ADIPOQ: variants seen among roughly 807,000 people sequenced by gnomAD.
The protein encoded by ADIPOQ is adiponectin, C1Q and collagen domain containing.
In ADIPOQ, 19 loss-of-function variants were observed where a neutral mutation model predicts 16.1. That is an observed-to-expected ratio of 1.18 (90% CI 0.82 to 1.73). The LOEUF (loss-of-function observed/expected upper bound fraction) is 1.73. Among genes scored for constraint, ADIPOQ ranks in the 40% most tolerant of loss-of-function variants. ADIPOQ has a pLI of 0.00. For missense variants in ADIPOQ, 323 were observed against 308.3 expected (o/e 1.05, Z -0.36); for synonymous variants, 124 against 125.5 (o/e 0.99, Z 0.08).
chr3:186,853,900 C>A, intron 2 of ADIPOQ: 1 of 332,092 alleles, frequency 3.0e-6, no homozygotes, highest in Non-Finnish European at 5.5e-6. Flanking sequence ...AATTGCAAAA[C>A]CAGGGTTGAT....
chr3:186,845,127 G>A (rs750985591), intron 1 of ADIPOQ, among the ~76,000 whole-genome samples: 2 of 151,322 alleles, frequency 1.3e-5, no homozygotes, highest in Non-Finnish European at 3.0e-5. Flanking sequence ...TGGTGCGTAC[G>A]TATGTGGATG....
chr3:186,853,687 T>G, intron 2 of ADIPOQ: 2 of 242,736 alleles, frequency 8.2e-6, no homozygotes, highest in African/African-American at 2.3e-5. Context: ...AAGGCTCTGT[T>G]GGTGGTTACT....
At chr3:186,847,739 T>C (rs752906291) in intron 1 of ADIPOQ, among the ~76,000 whole-genome samples, 12 of 152,192 alleles carry the variant, frequency 7.9e-5, no homozygotes, top group Non-Finnish European at 1.5e-4. Flanking sequence ...ACACAACAAA[T>C]AGCATTTTAC....
At position 186,857,053 on chromosome 3, in the gene ADIPOQ, A is replaced by T. The variant is rs539377729; in HGVS notation, c.*2349A>T. On this transcript the variant is annotated 3_prime_UTR_variant, in exon 3 of 3. Coordinates refer to ENST00000320741, the MANE Select transcript of ADIPOQ (RefSeq NM_004797.4). ...GTTCTAGGGTTTCCCTCCCGATATC[A>T]AAAAGACTGTGGCCTGCCCAGCTCT... The T allele has an allele frequency of 3.3e-5, 5 of 152,342 alleles. No individual in the cohort carries two copies. Among genetic ancestry groups the T allele is most frequent in the African/African-American group, 1.2e-4 (5 of 41,576 alleles). 9.4% of individuals were successfully genotyped at this position (152,342 alleles called of 1,614,324 possible).
In ADIPOQ at chr3:186,854,169, C is replaced by T; in HGVS notation, c.215-15C>T. The T allele has an allele frequency of 6.2e-7, 1 of 1,611,222 alleles. No homozygotes were observed. ...TTCTGTTCTTTGTAGTCACTGAGGT[C>T]TTCTCATTCCTTAGGTCTTATTGGT... On this transcript the variant is annotated splice_polypyrimidine_tract_variant and intron_variant, in intron 2 of 2. Coordinates refer to ENST00000320741, the MANE Select transcript of ADIPOQ (RefSeq NM_004797.4).
chr3:186,856,417 G>T lies in ADIPOQ; in HGVS notation c.*1713G>T, dbSNP rs1194247973. On this transcript the variant is annotated 3_prime_UTR_variant, in exon 3 of 3. Transcript: ENST00000320741. ...TATATGTGTATTGCTAATCATTAAG[G>T]TATTATTTTTTCCACATATAAAGCT... 6.6e-6 allele frequency: 1 copy of T among 152,092 alleles called. No homozygotes were observed. The highest frequency in any genetic ancestry group is 1.9e-4 in the East Asian group (1 of 5,194). The allele number at this position is 152,092 out of a possible 1,614,324, so 9.4% of individuals were successfully genotyped here. A position where few individuals can be genotyped will look rare whatever the true frequency, so the allele number is the denominator to read the frequency against.
chr3:186,853,525 C>G (rs1490741879), intron 2 of ADIPOQ, among the ~76,000 whole-genome samples: 4 of 152,188 alleles, frequency 2.6e-5, no homozygotes, highest in African/African-American at 4.8e-5. Flanking sequence ...ACCCTCATCC[C>G]TATTCCCAGT....
Position 186,858,364 on chromosome 3 carries a change from A to G in ADIPOQ, c.*3660A>G. The G allele has an allele frequency of 7.0e-6, 1 of 141,902 alleles. No individual in the cohort carries two copies. The highest frequency in any genetic ancestry group is 1.6e-5 in the Non-Finnish European group (1 of 61,852). The allele number at this position is 141,902 out of a possible 1,614,324, so 8.8% of individuals were successfully genotyped here. On this transcript the variant is annotated 3_prime_UTR_variant, in exon 3 of 3. Transcript: ENST00000320741. ...ATTGTATTTAAAATGTGTTTCTTAC[A>G]GACTGCATGTAGTTGGGTATAATTT...
At position 186,856,785 on chromosome 3, in the gene ADIPOQ, G is replaced by A. The variant is rs1320304851; in HGVS notation, c.*2081G>A. 2 of 152,140 alleles carry A rather than the reference G, an allele frequency of 1.3e-5. No individual in the cohort carries two copies. Among genetic ancestry groups the A allele is most frequent in the African/African-American group, 4.8e-5 (2 of 41,420 alleles). 9.4% of individuals were successfully genotyped at this position (152,140 alleles called of 1,614,324 possible). A position where few individuals can be genotyped will look rare whatever the true frequency, so the allele number is the denominator to read the frequency against. On this transcript the variant is annotated 3_prime_UTR_variant, in exon 3 of 3. Transcript: ENST00000320741. Reference sequence around the variant, plus strand: ...GTGAGAGTAAGCCTTGTGTTAGTCAGAACTCTGTGTTGTGAATGTCATTCA... The same window carrying A: ...GTGAGAGTAAGCCTTGTGTTAGTCAAAACTCTGTGTTGTGAATGTCATTCA...
intron 1 of ADIPOQ, among the ~76,000 whole-genome samples, chr3:186,845,133 G>T (rs1711548494): frequency 6.6e-6 from 1 of 151,472 alleles, no homozygotes; most frequent in African/African-American, 2.4e-5. Context: ...GTACGTATGT[G>T]GATGTGTGGA....
chr3:186,849,415 GC>G (rs776593761), intron 1 of ADIPOQ, among the ~76,000 whole-genome samples: 12 of 152,178 alleles, frequency 7.9e-5, no homozygotes, highest in Non-Finnish European at 8.8e-5. Flanking sequence ...TGCAAAAGGG[GC>G]TTTGCTGGTC....
In ADIPOQ at chr3:186,852,642, A is replaced by G. The variant is rs575116168; in HGVS notation, c.-8-409A>G. ...GAAAGAAAAAGAAGAAAGGAGCCAG[A>G]GGAGAGAAGCTGGTTAGCATTGAAT... On this transcript the variant is annotated intron_variant, in intron 1 of 2. Transcript: ENST00000320741. 43 of 201,030 alleles carry G rather than the reference A, an allele frequency of 2.1e-4. 1 individual carries two copies. The South Asian group carries it at 5.8e-3, about 27-fold the overall frequency. The allele number at this position is 201,030 out of a possible 1,614,324, so 12.5% of individuals were successfully genotyped here. A position where few individuals can be genotyped will look rare whatever the true frequency, so the allele number is the denominator to read the frequency against.
At chr3:186,844,450 G>A (rs1330337921) in intron 1 of ADIPOQ, among the ~76,000 whole-genome samples, 1 of 148,382 alleles carries the variant, frequency 6.7e-6, no homozygotes. Context: ...TGGCCGAGGA[G>A]TCTTAAGCTG....
chr3:186,853,686 T>G, intron 2 of ADIPOQ: 1 of 243,108 alleles, frequency 4.1e-6, no homozygotes, highest in Non-Finnish European at 8.0e-6. Context: ...CAAGGCTCTG[T>G]TGGTGGTTAC....
chr3:186,845,212 G>C (rs1203840647), intron 1 of ADIPOQ, among the ~76,000 whole-genome samples: 1 of 151,844 alleles, frequency 6.6e-6, no homozygotes, highest in East Asian at 1.9e-4. Context: ...GTGTGTGTTG[G>C]GCATGGAGAT....
At position 186,854,302 on chromosome 3, in the gene ADIPOQ, C is replaced by T. The variant is rs1232806648; in HGVS notation, c.333C>T (p.Tyr111=). The T allele has an allele frequency of 6.2e-7, 1 of 1,614,230 alleles. No individual in the cohort carries two copies. Among genetic ancestry groups the T allele is most frequent in the South Asian group, 1.1e-5 (1 of 91,086 alleles). ...AACCTGGAGAAGGTGCCTATGTATA[C>T]CGCTCAGCATTCAGTGTGGGATTGG... is the stretch of plus-strand genomic sequence containing the variant. ...KGEPGEGAYV[Y]RSAFSVGLET... The change falls in exon 3 of 3, where the codon TAC becomes TAT. Residue 111 remains tyrosine, a synonymous_variant. Coordinates refer to ENST00000320741, the MANE Select transcript of ADIPOQ (RefSeq NM_004797.4).
Position 186,854,254 on chromosome 3 carries a change from G to A in ADIPOQ, c.285G>A (p.Pro95=), listed in dbSNP as rs377233537. ...GGGCTGAAGGTCCCCGAGGCTTTCC[G>A]GGAATCCAAGGCAGGAAAGGAGAAC... ...VPGAEGPRGF[P]GIQGRKGEPG... The change falls in exon 3 of 3, where the codon CCG becomes CCA. Residue 95 remains proline, a synonymous_variant. Transcript: ENST00000320741. 1.5e-5 allele frequency: 24 copies of A among 1,613,560 alleles called. No homozygotes were observed. The highest frequency in any genetic ancestry group is 1.9e-5 in the Non-Finnish European group (22 of 1,179,624).
chr3:186,849,672 C>G (rs1711682180), intron 1 of ADIPOQ, among the ~76,000 whole-genome samples: 1 of 152,178 alleles, frequency 6.6e-6, no homozygotes, highest in Non-Finnish European at 1.5e-5. Context: ...TGTCTCTCTT[C>G]TCTCTGTCTG....
In ADIPOQ at chr3:186,854,324, T is replaced by A. The variant is rs146386537; in HGVS notation, c.355T>A (p.Leu119Met). 1.5e-5 allele frequency: 24 copies of A among 1,614,192 alleles called. No homozygotes were observed. In the South Asian group the frequency reaches 1.6e-4, roughly 11 times the overall value. ...ATACCGCTCAGCATTCAGTGTGGGA[T>A]TGGAGACTTACGTTACTATCCCCAA... is the stretch of plus-strand genomic sequence containing the variant. ...YVYRSAFSVG[L>M]ETYVTIPNMP... is the part of the protein sequence containing the mutation. The change falls in exon 3 of 3, where the codon TTG becomes ATG. Residue 119 changes from leucine to methionine, a missense_variant. Physicochemically the swap from Leu to Met is conservative, Grantham distance 15. Coordinates refer to ENST00000320741, the MANE Select transcript of ADIPOQ (RefSeq NM_004797.4).
Sources: allele counts gnomAD v4.1 joint callset (sites outside exome capture counted in the v4.1 genomes callset), GRCh38; gene constraint gnomAD v4.1.1; transcripts MANE v1.5; gene names NCBI Gene and HGNC (gene_info 2026-07-23, HGNC 2026-07-21).